HIF1A: variants seen among roughly 807,000 people sequenced by gnomAD.
The protein encoded by HIF1A is hypoxia-inducible factor 1-alpha.
HIF1A carries 24 observed loss-of-function variants against 92.7 expected under a neutral mutation model. The ratio of observed to expected loss-of-function variants is 0.26; its 90% CI spans 0.19 to 0.36. The LOEUF (loss-of-function observed/expected upper bound fraction) is 0.36, where lower values mean the gene tolerates loss of function less well. Ranked by LOEUF, HIF1A falls within the 10% of genes least tolerant of loss-of-function variation. HIF1A has a pLI of 1.00. For missense variants in HIF1A, 799 were observed against 998.5 expected, an observed-to-expected ratio of 0.80 and a Z score of 2.69; for synonymous variants, 319 against 338.7, an observed-to-expected ratio of 0.94 and a Z score of 0.64.
At chr14:61,745,901 A>G in intron 14 of HIF1A, 84 bp downstream of exon 14, 1 of 1,247,728 alleles carries the variant, frequency 8.0e-7, no homozygotes, top group African/African-American at 1.5e-5. Flanking sequence ...TCTAAGTGAG[A>G]ATGACTTTGG....
At chr14:61,708,206 C>T (rs2044264486) in intron 1 of HIF1A, among the ~76,000 whole-genome samples, 1 of 152,114 alleles carries the variant, frequency 6.6e-6, no homozygotes, top group Admixed American at 6.5e-5. Flanking sequence ...GATACTAGCC[C>T]TTTGTCAGAT....
chr14:61,702,903 A>T (rs970389540), intron 1 of HIF1A, among the ~76,000 whole-genome samples: 2 of 152,224 alleles, frequency 1.3e-5, no homozygotes, highest in Non-Finnish European at 2.9e-5. Flanking sequence ...CTTTTAAAAA[A>T]TTTACATCTA....
intron 6 of HIF1A, among the ~76,000 whole-genome samples, chr14:61,731,295 A>G (rs1049947782): frequency 6.6e-6 from 1 of 152,154 alleles, no homozygotes; most frequent in African/African-American, 2.4e-5. Context: ...ACTTGAGAAG[A>G]GAGTATTTCT....
chr14:61,746,474 T>G (rs1271845699), intron 14 of HIF1A, among the ~76,000 whole-genome samples: 3 of 147,500 alleles, frequency 2.0e-5, no homozygotes, highest in Non-Finnish European at 4.5e-5. Flanking sequence ...CATAGCTCAC[T>G]GCAGTCTCAA....
At chr14:61,741,268 C>G (rs2044708084) in intron 12 of HIF1A, 80 bp downstream of exon 12, 1 of 1,055,260 alleles carries the variant, frequency 9.5e-7, no homozygotes, top group Admixed American at 2.6e-5. Context: ...GATTTTTAAA[C>G]TTATAGCAAA....
At chr14:61,739,088 T>C (rs1229796324) in intron 10 of HIF1A, among the ~76,000 whole-genome samples, 1 of 152,222 alleles carries the variant, frequency 6.6e-6, no homozygotes, top group South Asian at 2.1e-4. Context: ...CTGGTAGCAA[T>C]AGACTTACGA....
Position 61,744,791 on chromosome 14 carries a change from C to T in HIF1A, c.2180C>T (p.Ser727Leu), listed in dbSNP as rs777807729. ...QRKRKMEHDG[S>L]LFQAVGIGTL... ...AAGCGAAAAATGGAACATGATGGTTCACTTTTTCAAGCAGTAGGAATTGTA... is the reference window on the plus strand; with the variant it reads ...AAGCGAAAAATGGAACATGATGGTTTACTTTTTCAAGCAGTAGGAATTGTA... The change falls in exon 13 of 15, where the codon TCA becomes TTA. Residue 727 changes from serine to leucine, a missense_variant. Ser to Leu is a moderately radical substitution (Grantham distance 145). Transcript: ENST00000337138. 105 of 1,582,682 alleles carry T rather than the reference C, an allele frequency of 6.6e-5. No homozygotes were observed. Among genetic ancestry groups the T allele is most frequent in the Non-Finnish European group, 8.6e-5 (99 of 1,155,754 alleles).
intron 1 of HIF1A, among the ~76,000 whole-genome samples, chr14:61,703,251 C>A (rs1010375976): frequency 6.6e-6 from 1 of 152,098 alleles, no homozygotes. Context: ...GAAAGTTTGA[C>A]CTAGTTGTAT....
chr14:61,746,508 A>G (rs943621244), intron 14 of HIF1A, among the ~76,000 whole-genome samples: 42 of 151,140 alleles, frequency 2.8e-4, no homozygotes, highest in Non-Finnish European at 2.8e-4. Context: ...AGCTCAAGCA[A>G]TCATCCTACC....
chr14:61,723,150 C>T lies in HIF1A; in HGVS notation c.457+1327C>T, dbSNP rs528922598. On this transcript the variant is annotated intron_variant, in intron 4 of 14. Coordinates refer to ENST00000337138, the MANE Select transcript of HIF1A (RefSeq NM_001530.4). The stretch of plus-strand genomic sequence containing the variant: ...TGTTTGCTTCTATATTATAAAACCT[C>T]AAATTTACTTTTTGTATAATTTTTG... 4.6e-5 allele frequency among the ~76,000 whole-genome samples: 7 copies of T among 152,312 alleles called. No homozygotes were observed. In the South Asian group the frequency reaches 1.5e-3, roughly 32 times the overall value.
chr14:61,726,699 T>G lies in HIF1A; in HGVS notation c.458-7T>G. The G allele has an allele frequency of 1.3e-6, 2 of 1,544,060 alleles. No individual in the cohort carries two copies. Among genetic ancestry groups the G allele is most frequent in the Non-Finnish European group, 1.8e-6 (2 of 1,141,470 alleles). ...TGCTTTAAAACTTTATTTCATGCTT[T>G]CATTAGGCCTTGTGAAAAAGGGTAA... On this transcript the variant is annotated splice_region_variant and splice_polypyrimidine_tract_variant and intron_variant, in intron 4 of 14. Coordinates refer to ENST00000337138, the MANE Select transcript of HIF1A (RefSeq NM_001530.4).
chr14:61,697,357 A>G (rs2044128251), intron 1 of HIF1A, among the ~76,000 whole-genome samples: 1 of 152,204 alleles, frequency 6.6e-6, no homozygotes, highest in Non-Finnish European at 1.5e-5. Context: ...TAAAGCTGCT[A>G]TATTGTAAAC....
At chr14:61,743,958 T>TA (rs2044745017) in intron 12 of HIF1A, among the ~76,000 whole-genome samples, 1 of 152,168 alleles carries the variant, frequency 6.6e-6, no homozygotes, top group Non-Finnish European at 1.5e-5. Flanking sequence ...TTCTAATTTA[T>TA]AAAATGGGTA....
chr14:61,732,751 C>T (rs2044591673), intron 7 of HIF1A, among the ~76,000 whole-genome samples: 1 of 152,110 alleles, frequency 6.6e-6, no homozygotes, highest in Non-Finnish European at 1.5e-5. Context: ...ATTTTAAATA[C>T]AAAGACTTTT....
intron 6 of HIF1A, among the ~76,000 whole-genome samples, chr14:61,730,691 T>G (rs982381230): frequency 6.6e-6 from 1 of 152,206 alleles, no homozygotes; most frequent in Non-Finnish European, 1.5e-5. Context: ...CATCACTGCA[T>G]TTATCACATT....
chr14:61,720,278 C>T (rs915101597), intron 1 of HIF1A, 104 bp from the exon 2 acceptor site: 1 of 758,502 alleles, frequency 1.3e-6, no homozygotes, highest in African/African-American at 1.8e-5. Flanking sequence ...ATGGCATCTT[C>T]TAATCCTTCT....
intron 14 of HIF1A, among the ~76,000 whole-genome samples, chr14:61,746,617 A>G (rs189482126): frequency 6.6e-6 from 1 of 150,814 alleles, no homozygotes; most frequent in South Asian, 2.1e-4. Flanking sequence ...CTGGTTTCAA[A>G]CTCCTGGCCT....
chr14:61,738,904 T>C (rs2044672459), intron 10 of HIF1A, among the ~76,000 whole-genome samples: 1 of 151,992 alleles, frequency 6.6e-6, no homozygotes, highest in South Asian at 2.1e-4. Context: ...GCCTGGCTAA[T>C]TTTTTAACCT....
At chr14:61,711,771 T>A (rs1325821367) in intron 1 of HIF1A, among the ~76,000 whole-genome samples, 1 of 152,236 alleles carries the variant, frequency 6.6e-6, no homozygotes, top group African/African-American at 2.4e-5. Flanking sequence ...TTTACTAAGC[T>A]GCTTTTCTGT....
Sources: allele counts gnomAD v4.1 joint callset (sites outside exome capture counted in the v4.1 genomes callset), GRCh38; gene constraint gnomAD v4.1.1; transcripts MANE v1.5; gene names NCBI Gene and HGNC (gene_info 2026-07-23, HGNC 2026-07-21).